Variants in UNC5D observed in about 807,000 individuals in gnomAD.
UNC5D encodes unc-5 netrin receptor D.
UNC5D carries 39 observed loss-of-function variants against 105.4 expected under a neutral mutation model. That is an observed-to-expected ratio of 0.37 (90% CI 0.29 to 0.48). The LOEUF (loss-of-function observed/expected upper bound fraction) is 0.48. Ranked by LOEUF, UNC5D falls within the 20% of genes least tolerant of loss-of-function variation. UNC5D has a pLI of 0.98. For synonymous variants in UNC5D, 452 were observed against 450.4 expected, an observed-to-expected ratio of 1.00 and a Z score of -0.04; for missense variants, 991 against 1,202.4, an observed-to-expected ratio of 0.82 and a Z score of 2.60.
intron 4 of UNC5D, among the ~76,000 whole-genome samples, chr8:35,616,902 A>G (rs551385335): frequency 6.6e-6 from 1 of 152,316 alleles, no homozygotes; most frequent in African/African-American, 2.4e-5. Flanking sequence ...AATTAACATT[A>G]GCGGCAATAA....
intron 1 of UNC5D, among the ~76,000 whole-genome samples, chr8:35,304,811 A>G (rs1808217699): frequency 6.6e-6 from 1 of 152,134 alleles, no homozygotes; most frequent in Admixed American, 6.6e-5. Flanking sequence ...CTGTGTCTGC[A>G]GCATAATTAT....
rs116340197 is a variant in UNC5D, at chr8:35,753,841, G to A, written c.2163+3032G>A. Among the ~76,000 whole-genome samples the A allele has an allele frequency of 2.9e-3, 446 of 152,298 alleles. 4 individuals are homozygous for A. Among genetic ancestry groups the A allele is most frequent in the African/African-American group, 0.01 (416 of 41,554 alleles). ...CATATGGATTAAAATGAAACTTGTG[G>A]CTTTTCTGAACTGAGACTCCCTAGT... On this transcript the variant is annotated intron_variant, in intron 13 of 16. Coordinates refer to ENST00000404895, the MANE Select transcript of UNC5D (RefSeq NM_080872.4).
intron 15 of UNC5D, among the ~76,000 whole-genome samples, chr8:35,767,833 C>T (rs1022239549): frequency 1.3e-5 from 2 of 152,076 alleles, no homozygotes; most frequent in Non-Finnish European, 2.9e-5. Flanking sequence ...CACCAAGTGA[C>T]TTTATGGCTT....
chr8:35,304,607 C>A (rs1330618704), intron 1 of UNC5D, among the ~76,000 whole-genome samples: 1 of 151,804 alleles, frequency 6.6e-6, no homozygotes, highest in Non-Finnish European at 1.5e-5. Flanking sequence ...TTTTCCTATT[C>A]CAGACAGAAA....
intron 4 of UNC5D, among the ~76,000 whole-genome samples, chr8:35,599,326 T>C (rs1370104538): frequency 6.6e-6 from 1 of 152,098 alleles, no homozygotes; most frequent in Admixed American, 6.6e-5. Context: ...TTAATAACAA[T>C]GTATTGTATT....
intron 1 of UNC5D, among the ~76,000 whole-genome samples, chr8:35,527,145 C>T (rs1172294608): frequency 2.0e-5 from 3 of 151,374 alleles, no homozygotes; most frequent in Admixed American, 2.0e-4. Context: ...TTGTTCCAAA[C>T]TGAGACTTTT....
rs1816083011 is a variant in UNC5D at position 35,550,891 on chromosome 8, G to C, written c.322+1381G>C. 2.6e-5 allele frequency among the ~76,000 whole-genome samples: 4 copies of C among 152,298 alleles called. 1 individual carries two copies. The South Asian group carries it at 8.3e-4, about 32-fold the overall frequency. ...AGTGGCCTGAAGGTCACAAACATTA[G>C]TAAATGAAGAAAGCTTGGTATACGT... On this transcript the variant is annotated intron_variant, in intron 2 of 16. Coordinates refer to ENST00000404895, the MANE Select transcript of UNC5D (RefSeq NM_080872.4).
At chr8:35,727,428 G>A (rs112855505) in intron 10 of UNC5D, 1 of 152,114 alleles carries the variant, frequency 6.6e-6, no homozygotes, top group Non-Finnish European at 1.5e-5. Flanking sequence ...TCTCTCTAGG[G>A]TGGAGCTAAC....
intron 4 of UNC5D, among the ~76,000 whole-genome samples, chr8:35,665,197 A>C (rs1275242694): frequency 6.6e-6 from 1 of 152,150 alleles, no homozygotes; most frequent in African/African-American, 2.4e-5. Context: ...GCCTTCTCCA[A>C]CTTAACCACA....
intron 16 of UNC5D, among the ~76,000 whole-genome samples, chr8:35,782,006 T>C (rs1236563749): frequency 6.6e-6 from 1 of 152,230 alleles, no homozygotes; most frequent in African/African-American, 2.4e-5. Flanking sequence ...CAGCATGTTT[T>C]CAGGTGCCCA....
intron 1 of UNC5D, among the ~76,000 whole-genome samples, chr8:35,474,269 T>A (rs1485981171): frequency 6.6e-6 from 1 of 152,252 alleles, no homozygotes; most frequent in Non-Finnish European, 1.5e-5. Context: ...TTCTTAACCA[T>A]GTCTATTTTC....
At chr8:35,274,132 A>T (rs1359344297) in intron 1 of UNC5D, among the ~76,000 whole-genome samples, 1 of 152,168 alleles carries the variant, frequency 6.6e-6, no homozygotes, top group African/African-American at 2.4e-5. Flanking sequence ...AGTTCAAAAG[A>T]GCTTGCTGGT....
In UNC5D at chr8:35,726,460, A is replaced by T; in HGVS notation, c.1612A>T (p.Thr538Ser). ...CATCCAAAATCTGTCATCACTCCCC[A>T]CAAGGACAGAACTGAGGACAACTGG... ...PYIQNLSSLP[T>S]RTELRTTGVF... Residue 538 changes from threonine (T) to serine (S), a missense_variant, in exon 10 of 17, where the codon ACA becomes TCA. By Grantham distance (58) the Thr-to-Ser change is moderately conservative. Around this residue, in one of 3 missense-constraint regions of UNC5D, gnomAD observed 944 missense variants for 1,131.6 expected, o/e 0.83. Transcript: ENST00000404895. 1 of 1,614,138 alleles carries T rather than the reference A, an allele frequency of 6.2e-7. No individual in the cohort carries two copies. Among genetic ancestry groups the T allele is most frequent in the Non-Finnish European group, 8.5e-7 (1 of 1,180,014 alleles).
chr8:35,752,642 A>T (rs1759621271), intron 13 of UNC5D, among the ~76,000 whole-genome samples: 1 of 152,022 alleles, frequency 6.6e-6, no homozygotes, highest in Non-Finnish European at 1.5e-5. Flanking sequence ...CTTCCTCTGC[A>T]CTCCCCACCC....
intron 1 of UNC5D, among the ~76,000 whole-genome samples, chr8:35,397,602 CTT>C (rs1474401741): frequency 2.0e-5 from 3 of 152,162 alleles, no homozygotes; most frequent in Non-Finnish European, 4.4e-5. Context: ...TTCAGCTGGT[CTT>C]TGCTCTGTTC....
intron 2 of UNC5D, among the ~76,000 whole-genome samples, chr8:35,551,169 A>G (rs1358347247): frequency 6.6e-6 from 1 of 152,194 alleles, no homozygotes; most frequent in Non-Finnish European, 1.5e-5. Flanking sequence ...CAAGGGAGCT[A>G]AGAGACATGG....
chr8:35,282,921 C>T (rs1211322151), intron 1 of UNC5D, among the ~76,000 whole-genome samples: 6 of 151,908 alleles, frequency 3.9e-5, no homozygotes, highest in Non-Finnish European at 8.8e-5. Context: ...TTTTGGGCAG[C>T]TTTTTTACTG....
intron 1 of UNC5D, among the ~76,000 whole-genome samples, chr8:35,382,956 G>A (rs1803135353): frequency 6.6e-6 from 1 of 152,174 alleles, no homozygotes; most frequent in African/African-American, 2.4e-5. Context: ...GCGGCATAAG[G>A]CAGCACAGGC....
rs375784769 is a variant in UNC5D, at chr8:35,664,925, C to T, written c.571-18622C>T. On this transcript the variant is annotated intron_variant, in intron 4 of 16. Coordinates refer to ENST00000404895, the MANE Select transcript of UNC5D (RefSeq NM_080872.4). ...AGTGGTTTGATCATAACTCAAACTC[C>T]TGGGCTGAAGTGATCCTCCCACTGC... 5.3e-5 allele frequency among the ~76,000 whole-genome samples: 8 copies of T among 152,218 alleles called. 1 individual carries two copies. Among genetic ancestry groups the T allele is most frequent in the African/African-American group, 1.7e-4 (7 of 41,544 alleles).
Sources: gnomAD v4.1 joint callset for allele counts (sites outside exome capture counted in the v4.1 genomes callset) on GRCh38, gnomAD v4.1.1 for gene constraint, gnomAD v4.1.1 regional missense constraint, MANE v1.5 for transcripts, NCBI Gene and HGNC (gene_info 2026-07-23, HGNC 2026-07-21) for gene names.